ZNF529: variants seen among roughly 807,000 people sequenced by gnomAD.
ZNF529 encodes zinc finger protein 529.
A neutral mutation model predicts 10.1 loss-of-function variants in ZNF529; 11 were observed. The observed-to-expected ratio is 1.09, with a 90% CI of 0.69 to 1.81. ZNF529 has a LOEUF of 1.81. Ranked by LOEUF, ZNF529 falls within the 40% of genes most tolerant of loss-of-function variation. The pLI is 0.00. For missense variants in ZNF529, 624 were observed against 666.8 expected (o/e 0.94, Z 0.71); for synonymous variants, 204 against 215.7 (o/e 0.95, Z 0.47).
At chr19:36,599,323 T>C (rs2145293528) in intron 1 of ZNF529, among the ~76,000 whole-genome samples, 1 of 152,336 alleles carries the variant, frequency 6.6e-6, no homozygotes, top group Non-Finnish European at 1.5e-5. Flanking sequence ...CTCCTGGTAA[T>C]TATGCATAAA....
At position 36,546,981 on chromosome 19, in the gene ZNF529, C is replaced by T. The variant is rs529869961; in HGVS notation, c.1577G>A (p.Arg526His). The T allele has an allele frequency of 1.2e-5, 20 of 1,613,962 alleles. No individual in the cohort carries two copies. The highest frequency in any genetic ancestry group is 4.5e-5 in the East Asian group (2 of 44,872). The change falls in exon 5 of 5, where the codon CGC becomes CAC. Residue 526 changes from arginine to histidine, a missense_variant. Coordinates refer to ENST00000591340, the MANE Select transcript of ZNF529 (RefSeq NM_020951.5). ...RHSSSFTKHQ[R>H]IHTDDKPYEC... ...ATAGGGTTTATCATCAGTATGAATG[C>T]GCTGATGTTTGGTAAAGGATGAACT...
rs2034950285 is a variant in ZNF529, at chr19:36,544,780, T to A, written c.*2086A>T. On this transcript the variant is annotated 3_prime_UTR_variant, in exon 5 of 5. Transcript: ENST00000591340. ...TACTTACATAAAACATAGCTCAATA[T>A]ATCAGATGAGAAAATGGCTTAATAC... 6.6e-6 allele frequency: 1 copy of A among 152,200 alleles called. No individual in the cohort carries two copies. The highest frequency in any genetic ancestry group is 2.4e-5 in the African/African-American group (1 of 41,454). 9.4% of individuals were successfully genotyped at this position (152,200 alleles called of 1,614,324 possible).
rs10424565 is a variant in ZNF529 at position 36,547,514 on chromosome 19, T to C, written c.1044A>G (p.Arg348=). The C allele has an allele frequency of 0.076, 123,216 of 1,613,984 alleles. 4,959 individuals are homozygous for C. Among genetic ancestry groups the C allele is most frequent in the African/African-American group, 0.13 (9,752 of 75,018 alleles). Residue 348 remains arginine (R), a synonymous_variant, in exon 5 of 5, where the codon AGA becomes AGG. Coordinates refer to ENST00000591340, the MANE Select transcript of ZNF529 (RefSeq NM_020951.5). The part of the protein sequence containing the change: ...YKCMHCEKVF[R]ISSQLIEHQR... ...GATGTTCAATGAGCTGTGAACTAAT[T>C]CTAAAAACCTTCTCACAGTGCATAC... is the stretch of plus-strand genomic sequence containing the variant.
chr19:36,602,759 C>T (rs958382475), intron 1 of ZNF529, among the ~76,000 whole-genome samples: 4 of 151,996 alleles, frequency 2.6e-5, no homozygotes, highest in African/African-American at 4.8e-5. Context: ...GGAGAAACCC[C>T]GTCTCTACTA....
chr19:36,561,141 G>C (rs2035677238), intron 2 of ZNF529, among the ~76,000 whole-genome samples: 1 of 152,148 alleles, frequency 6.6e-6, no homozygotes, highest in Non-Finnish European at 1.5e-5. Context: ...GGTTTCCAGG[G>C]AAGGGCGTAG....
In ZNF529 at chr19:36,572,475, A is replaced by G. The variant is rs1026090281; in HGVS notation, c.-46-83T>C. 2.8e-6 allele frequency: 3 copies of G among 1,086,382 alleles called. No homozygotes were observed. The African/African-American group carries it at 4.8e-5, about 17-fold the overall frequency. 67.3% of individuals were successfully genotyped at this position (1,086,382 alleles called of 1,614,324 possible). ...ACAGTGTTCACCACCAGAAAAGCCC[A>G]TCACACACAACAAACACACCCAGAT... is the stretch of plus-strand genomic sequence containing the variant. On this transcript the variant is annotated intron_variant, in intron 1 of 4. Transcript: ENST00000591340.
chr19:36,552,930 C>T (rs146406532), intron 4 of ZNF529, among the ~76,000 whole-genome samples: 2 of 152,134 alleles, frequency 1.3e-5, no homozygotes, highest in Non-Finnish European at 2.9e-5. Flanking sequence ...CATACTAATT[C>T]TTTGTCTGGA....
intron 4 of ZNF529, among the ~76,000 whole-genome samples, chr19:36,553,061 A>G (rs909253492): frequency 2.0e-5 from 3 of 152,234 alleles, no homozygotes; most frequent in East Asian, 1.9e-4. Flanking sequence ...CTCTGTTGTA[A>G]GCAACCTCTT....
intron 4 of ZNF529, among the ~76,000 whole-genome samples, chr19:36,550,050 CAGTG>C (rs2035200330): frequency 6.6e-6 from 1 of 152,140 alleles, no homozygotes; most frequent in Non-Finnish European, 1.5e-5. Context: ...TGGAGGCCAA[CAGTG>C]AGAGAAGGGA....
chr19:36,598,276 G>A (rs372655667), intron 1 of ZNF529, among the ~76,000 whole-genome samples: 1 of 152,202 alleles, frequency 6.6e-6, no homozygotes, highest in African/African-American at 2.4e-5. Context: ...TTGGGAGGCT[G>A]AGGCTGGAGG....
At chr19:36,583,628 C>A (rs1600345097) in intron 2 of ZNF529, among the ~76,000 whole-genome samples, 1 of 150,742 alleles carries the variant, frequency 6.6e-6, no homozygotes, top group African/African-American at 2.4e-5. Context: ...TTGGCACCTA[C>A]AAGAACTGCA....
intron 2 of ZNF529, 64 bp from the exon 3 acceptor site, chr19:36,556,261 G>T (rs1054881575): frequency 1.4e-6 from 1 of 720,234 alleles, no homozygotes; most frequent in Admixed American, 2.2e-5. Flanking sequence ...TGCTAGGAAT[G>T]TACAGCAAAT....
chr19:36,601,686 A>C lies in ZNF529; in HGVS notation c.-128+3440T>G, dbSNP rs1223942638. ...TGCTAATCCTCATAAAAATCCTTTG[A>C]AATTGGTACTATTATTATATAAATA... On this transcript the variant is annotated intron_variant, in intron 1 of 4. Coordinates refer to the ZNF529 transcript ENST00000585960. Among the ~76,000 whole-genome samples the C allele has an allele frequency of 2.0e-5, 3 of 152,078 alleles. No individual in the cohort carries two copies. In the East Asian group the frequency reaches 5.8e-4, roughly 29 times the overall value.
chr19:36,588,256 G>A (rs1165138416), intron 2 of ZNF529, among the ~76,000 whole-genome samples: 2 of 152,198 alleles, frequency 1.3e-5, no homozygotes, highest in South Asian at 2.1e-4. Flanking sequence ...GCTCAATAAA[G>A]TGGTTTTAAT....
intron 2 of ZNF529, among the ~76,000 whole-genome samples, chr19:36,569,980 T>C (rs1264768793): frequency 1.3e-5 from 2 of 152,156 alleles, no homozygotes; most frequent in East Asian, 3.8e-4. Flanking sequence ...TAAATACCTG[T>C]ATCCATCTGA....
At chr19:36,602,404 A>G (rs1274276958) in intron 1 of ZNF529, among the ~76,000 whole-genome samples, 2 of 151,752 alleles carry the variant, frequency 1.3e-5, no homozygotes, top group Non-Finnish European at 2.9e-5. Context: ...ACAAATTTAA[A>G]TTGCATATAA....
intron 2 of ZNF529, among the ~76,000 whole-genome samples, chr19:36,560,279 A>G (rs78486436): frequency 1.4e-5 from 2 of 144,332 alleles, no homozygotes; most frequent in African/African-American, 5.3e-5. Flanking sequence ...AAAAAAAAAA[A>G]AAGAGAAGCA....
chr19:36,602,442 CCTT>C (rs1032942049), intron 1 of ZNF529, among the ~76,000 whole-genome samples: 3 of 132,098 alleles, frequency 2.3e-5, no homozygotes, highest in Non-Finnish European at 4.8e-5. Context: ...ATATTACTCT[CCTT>C]TTTTTTTTTT....
rs775187673 is a variant in ZNF529 at position 36,546,858 on chromosome 19, C to T, written c.*8G>A. On this transcript the variant is annotated 3_prime_UTR_variant, in exon 5 of 5. Transcript: ENST00000591340. ...ATCAGAAATAAAAAACCACTTTATA[C>T]ATTTATTTCAGTCAAATGATTTCTC... 12 of 1,598,096 alleles carry T rather than the reference C, an allele frequency of 7.5e-6. No homozygotes were observed. The African/African-American group carries it at 1.5e-4, about 20-fold the overall frequency.
Sources: gnomAD v4.1 joint callset for allele counts (sites outside exome capture counted in the v4.1 genomes callset) on GRCh38, gnomAD v4.1.1 for gene constraint, MANE v1.5 for transcripts, NCBI Gene and HGNC (gene_info 2026-07-23, HGNC 2026-07-21) for gene names.